The following BTBD8 variants were observed in gnomAD, a reference collection of about 807,000 sequenced individuals.
The protein encoded by BTBD8 is BTB/POZ domain-containing protein 8.
A neutral mutation model predicts 162.9 loss-of-function variants in BTBD8; 110 were observed. The ratio of observed to expected loss-of-function variants is 0.68; its 90% CI spans 0.58 to 0.79. BTBD8 has a LOEUF of 0.79. Ranked by LOEUF, BTBD8 falls within the 30% of genes least tolerant of loss-of-function variation. BTBD8 has a pLI of 0.00. For missense variants in BTBD8, 1,905 were observed against 2,085.4 expected (o/e 0.91, Z 1.68); for synonymous variants, 667 against 716.1 (o/e 0.93, Z 1.10).
chr1:92,170,506 A>G (rs1015768978), intron 12 of BTBD8, among the ~76,000 whole-genome samples: 2 of 152,094 alleles, frequency 1.3e-5, no homozygotes, highest in Non-Finnish European at 2.9e-5. Context: ...AATCAGTCCT[A>G]TAGTGCCATT....
intron 13 of BTBD8, among the ~76,000 whole-genome samples, chr1:92,175,450 G>T (rs1189782770): frequency 8.3e-6 from 1 of 120,962 alleles, no homozygotes. Flanking sequence ...CTGTACTCCA[G>T]CCTGGCAACA....
At chr1:92,173,505 A>G (rs928079380) in intron 13 of BTBD8, among the ~76,000 whole-genome samples, 2 of 152,072 alleles carry the variant, frequency 1.3e-5, no homozygotes, top group Non-Finnish European at 2.9e-5. Flanking sequence ...ATCCCCTGCT[A>G]CTCACCAGGC....
chr1:92,106,250 T>G (rs1191329204), intron 3 of BTBD8, among the ~76,000 whole-genome samples: 2 of 152,152 alleles, frequency 1.3e-5, no homozygotes, highest in East Asian at 3.9e-4. Flanking sequence ...TTAGTCAAAG[T>G]TAAGACCATT....
At chr1:92,180,081 T>G (rs371328972) in intron 16 of BTBD8, among the ~76,000 whole-genome samples, 184 bp from the exon 17 acceptor site, 2 of 152,160 alleles carry the variant, frequency 1.3e-5, no homozygotes, top group South Asian at 2.1e-4. Context: ...TTGAAAAAAT[T>G]TTTTTATTTT....
chr1:92,126,126 G>T, intron 4 of BTBD8: 2 of 492,818 alleles, frequency 4.1e-6, no homozygotes, highest in South Asian at 3.4e-5. Flanking sequence ...TCTTACGGTA[G>T]CTGATACATG....
intron 7 of BTBD8, among the ~76,000 whole-genome samples, chr1:92,142,102 C>G (rs1363698550): frequency 6.6e-6 from 1 of 152,188 alleles, no homozygotes. Context: ...CTACCAACCC[C>G]ATAAGGTTTA....
intron 4 of BTBD8, among the ~76,000 whole-genome samples, chr1:92,114,353 G>A (rs941494339): frequency 2.6e-5 from 4 of 151,996 alleles, no homozygotes; most frequent in African/African-American, 7.3e-5. Context: ...AAGAAGCAGG[G>A]TGAGAACTTA....
chr1:92,134,522 T>G (rs1266402945), intron 5 of BTBD8, among the ~76,000 whole-genome samples: 1 of 152,194 alleles, frequency 6.6e-6, no homozygotes, highest in Non-Finnish European at 1.5e-5. Context: ...ATGGCTGGCT[T>G]CTTCTCATGC....
chr1:92,094,586 C>T (rs140170221), intron 2 of BTBD8, among the ~76,000 whole-genome samples: 1 of 152,174 alleles, frequency 6.6e-6, no homozygotes, highest in Non-Finnish European at 1.5e-5. Flanking sequence ...ACTTTGTGCA[C>T]TTGAGTTAGA....
intron 9 of BTBD8, among the ~76,000 whole-genome samples, chr1:92,152,660 AT>A (rs1010592172): frequency 1.7e-4 from 25 of 148,092 alleles, no homozygotes; most frequent in Admixed American, 4.1e-4. Flanking sequence ...AACGAGTTTG[AT>A]TTTTTTTTTT....
In BTBD8 at chr1:92,182,545, AAG is replaced by A; in HGVS notation, c.4867_4868del (p.Ser1623ProfsTer6). The A allele has an allele frequency of 1.3e-6, 2 of 1,532,572 alleles. No homozygotes were observed. Among genetic ancestry groups the A allele is most frequent in the Non-Finnish European group, 1.8e-6 (2 of 1,142,008 alleles). 94.9% of individuals were successfully genotyped at this position (1,532,572 alleles called of 1,614,324 possible). A position where few individuals can be genotyped will look rare whatever the true frequency, so the allele number is the denominator to read the frequency against. ...GTTCTGCCTCAGGAAGGTCCAGTGA[AAG>A]AGAGCCATTCTACAACTACTGAAAA... On this transcript the variant is annotated frameshift_variant, in exon 17 of 18. Transcript: ENST00000636805. LOFTEE classifies it high-confidence loss of function.
chr1:92,126,450 T>C (rs777537837), intron 4 of BTBD8: 5 of 915,072 alleles, frequency 5.5e-6, no homozygotes, highest in Non-Finnish European at 8.4e-6. Context: ...TACAACAGTT[T>C]TGTGTCACTG....
intron 4 of BTBD8, among the ~76,000 whole-genome samples, chr1:92,110,056 T>C (rs1648848799): frequency 6.6e-6 from 1 of 152,228 alleles, no homozygotes. Context: ...CATGGTCAAG[T>C]TACTTCCTCA....
intron 9 of BTBD8, among the ~76,000 whole-genome samples, chr1:92,149,868 T>G (rs1327137470): frequency 1.3e-5 from 2 of 152,188 alleles, no homozygotes; most frequent in Non-Finnish European, 2.9e-5. Flanking sequence ...CTGGAGGCAG[T>G]AAGACTGACA....
At chr1:92,141,616 G>A (rs372069804) in intron 7 of BTBD8, among the ~76,000 whole-genome samples, 5 of 152,060 alleles carry the variant, frequency 3.3e-5, no homozygotes, top group African/African-American at 1.2e-4. Flanking sequence ...GACTTGGGGT[G>A]GAATGTAGTT....
rs1017213480 is a variant in BTBD8, at chr1:92,167,086, T to C, written c.1251T>C (p.Ile417=). The C allele has an allele frequency of 2.6e-5, 40 of 1,550,482 alleles. No individual in the cohort carries two copies. The highest frequency in any genetic ancestry group is 3.1e-5 in the Non-Finnish European group (36 of 1,147,008). ...TTCAAGAAAAATGTATTGCATTTAT[T>C]GTAGACAACTTCTCCAAGATTATTC... ...SQLQEKCIAF[I]VDNFSKIIQS... is the part of the protein sequence containing the mutation. Residue 417 remains isoleucine (I), a synonymous_variant, in exon 10 of 18, where the codon ATT becomes ATC. Transcript: ENST00000636805.
At chr1:92,102,795 A>C in intron 3 of BTBD8, 126 bp downstream of exon 3, 1 of 849,182 alleles carries the variant, frequency 1.2e-6, no homozygotes, top group East Asian at 3.2e-5. Flanking sequence ...TGGAGAACTG[A>C]AAACACTAGT....
chr1:92,126,553 A>G (rs1649365945), intron 4 of BTBD8: 2 of 476,902 alleles, frequency 4.2e-6, no homozygotes, highest in Middle Eastern at 7.6e-4. Flanking sequence ...GCAGTGCCAA[A>G]TGGACACTGG....
chr1:92,132,596 T>C (rs996379241), intron 5 of BTBD8, among the ~76,000 whole-genome samples: 11 of 152,174 alleles, frequency 7.2e-5, no homozygotes, highest in Non-Finnish European at 1.5e-4. Flanking sequence ...GAAAGCCAAA[T>C]AGAAGTAGCC....
Sources: allele counts gnomAD v4.1 joint callset (sites outside exome capture counted in the v4.1 genomes callset), GRCh38; gene constraint gnomAD v4.1.1; transcripts MANE v1.5; gene names NCBI Gene and HGNC (gene_info 2026-07-23, HGNC 2026-07-21).